Variants in GAS6 observed in about 807,000 individuals in gnomAD.
GAS6 encodes the protein growth arrest-specific protein 6.
GAS6 carries 41 observed loss-of-function variants against 75.8 expected under a neutral mutation model. The ratio of observed to expected loss-of-function variants is 0.54; its 90% CI spans 0.42 to 0.70. The LOEUF is 0.70. GAS6 is among the 30% of genes least tolerant of loss of function. The pLI, the probability that GAS6 is intolerant of heterozygous loss-of-function variation, is 0.00. For missense variants in GAS6, 854 were observed against 940.2 expected, an observed-to-expected ratio of 0.91 and a Z score of 1.20; for synonymous variants, 432 against 412.6, an observed-to-expected ratio of 1.05 and a Z score of -0.57.
At chr13:113,851,455 G>C (rs898386721) in intron 2 of GAS6, among the ~76,000 whole-genome samples, 1 of 151,758 alleles carries the variant, frequency 6.6e-6, no homozygotes, top group Non-Finnish European at 1.5e-5. Flanking sequence ...GAATGAATGG[G>C]TGAATGAGAG....
intron 12 of GAS6, among the ~76,000 whole-genome samples, chr13:113,826,634 TTCTCTCCCCGGCCTCCTGGCGCCGGCCTC>T (rs2051550213): frequency 1.2e-5 from 1 of 84,856 alleles, no homozygotes; most frequent in African/African-American, 6.3e-5. Flanking sequence ...CGCAGGCACC[TTCTCTCCCCGGCCTCCTGGCGCCGGCCTC>T]GCAGGCACCT....
Position 113,820,921 on chromosome 13 carries a change from G to T in GAS6, c.1980C>A (p.Tyr660Ter). 2 of 1,612,396 alleles carry T rather than the reference G, an allele frequency of 1.2e-6. No homozygotes were observed. The highest frequency in any genetic ancestry group is 1.7e-6 in the Non-Finnish European group (2 of 1,179,902). The change falls in exon 15 of 15, where the codon TAC becomes TAA. Residue 660 changes from tyrosine (Y) to a stop codon, truncating the protein, a stop_gained. Transcript: ENST00000327773. LOFTEE classifies it high-confidence loss of function. Reference sequence around the variant, plus strand: ...AGTGGGCCGTGATGTCGCTGTGCTTGTACGCCGCCTCGTCCAGGTCCAGCA... The same window carrying T: ...AGTGGGCCGTGATGTCGCTGTGCTTTTACGCCGCCTCGTCCAGGTCCAGCA... ...RRLLDLDEAA[Y>*]KHSDITAHSC...
rs552862151 is a variant in GAS6, at chr13:113,845,701, TAC to T, written c.343+824_343+825del. On this transcript the variant is annotated intron_variant, in intron 4 of 14. Transcript: ENST00000327773. This position sits in a 1 kb window ranked among gnomAD's most constrained non-coding sequence, Gnocchi z 4.3. Reference sequence around the variant, plus strand: ...AAACAACAGTTTATAGGAAAAGAAATACACAGTTTTTAAACCTATGAAGGACA... The same window carrying T: ...AAACAACAGTTTATAGGAAAAGAAATACAGTTTTTAAACCTATGAAGGACA... The T allele has an allele frequency of 3.0e-4, 43 of 143,062 alleles. No individual in the cohort carries two copies. In the East Asian group the frequency reaches 6.7e-3, roughly 22 times the overall value. The allele number at this position is 143,062 out of a possible 1,614,324, so 8.9% of individuals were successfully genotyped here.
intron 12 of GAS6, among the ~76,000 whole-genome samples, chr13:113,824,128 C>T (rs1424231980): frequency 1.0e-5 from 1 of 97,364 alleles, no homozygotes; most frequent in Admixed American, 1.0e-4. Flanking sequence ...GTCAGGAGCA[C>T]CGTGGTCTGG....
intron 13 of GAS6, 143 bp from the exon 14 acceptor site, chr13:113,822,329 T>C (rs1258790462): frequency 1.5e-5 from 9 of 606,916 alleles, no homozygotes; most frequent in Non-Finnish European, 2.2e-5. Context: ...TGGGTCTGGA[T>C]GCTCGCTGAC....
chr13:113,852,269 C>T (rs577915561), intron 2 of GAS6, among the ~76,000 whole-genome samples: 3 of 152,230 alleles, frequency 2.0e-5, no homozygotes, highest in Non-Finnish European at 4.4e-5. Context: ...ATGTGGCCCA[C>T]GGAAGCCAAA....
rs200212342 is a variant in GAS6 at position 113,846,520 on chromosome 13, G to A, written c.343+7C>T. 7.7e-4 allele frequency: 1,237 copies of A among 1,613,828 alleles called. 8 individuals carry two copies. The highest frequency in any genetic ancestry group is 5.6e-3 in the Middle Eastern group (34 of 6,054). On this transcript the variant is annotated splice_region_variant and intron_variant, in intron 4 of 14. Coordinates refer to ENST00000327773, the MANE Select transcript of GAS6 (RefSeq NM_000820.4). ...CTCCCAGGAAGGCGCAAAGGAGGCC[G>A]ACTTACTTTGCACGCAGGTGGCGAA...
Position 113,848,764 on chromosome 13 carries a change from G to A in GAS6, c.256-714C>T, listed in dbSNP as rs1365029652. On this transcript the variant is annotated intron_variant, in intron 2 of 14. Transcript: ENST00000327773. The surrounding 1 kb of genome is among the most constrained non-coding windows in gnomAD (Gnocchi z 4.8). ...ACAGTCATGGCAGAATAGTCCCAGC[G>A]GCCTCTCCATGCTGGGTATGAGTCA... Among the ~76,000 whole-genome samples, 2 of 152,166 alleles carry A rather than the reference G, an allele frequency of 1.3e-5. No homozygotes were observed. The highest frequency in any genetic ancestry group is 2.4e-5 in the African/African-American group (1 of 41,426).
intron 12 of GAS6, among the ~76,000 whole-genome samples, chr13:113,824,385 C>T (rs79252396): frequency 2.2e-4 from 14 of 64,536 alleles, no homozygotes; most frequent in African/African-American, 1.1e-3. Flanking sequence ...CAGGAGCACG[C>T]GCGGTCTGGG....
intron 2 of GAS6, among the ~76,000 whole-genome samples, chr13:113,862,190 C>G (rs1324314825): frequency 6.6e-6 from 1 of 152,200 alleles, no homozygotes; most frequent in Non-Finnish European, 1.5e-5. Flanking sequence ...TGACATGGGC[C>G]CTGCAGGTCC....
At chr13:113,834,069 G>A (rs1222964558) in intron 8 of GAS6, among the ~76,000 whole-genome samples, 10 of 144,668 alleles carry the variant, frequency 6.9e-5, no homozygotes, top group African/African-American at 1.9e-4. Flanking sequence ...GTGACAGGTC[G>A]GTGTGACAGG....
At position 113,839,765 on chromosome 13, in the gene GAS6, C is replaced by T; in HGVS notation, c.429G>A (p.Leu143=). Residue 143 remains leucine (L), a synonymous_variant, in exon 5 of 15, where the codon CTG becomes CTA. Coordinates refer to ENST00000327773, the MANE Select transcript of GAS6 (RefSeq NM_000820.4). ...CQDLMGNFFC[L]CKAGWGGRLC... ...GCCGGCCCCCCCAGCCAGCTTTACA[C>T]AGGCAGAAGAAGTTGCCCATGAGGT... is the stretch of plus-strand genomic sequence containing the variant. The T allele has an allele frequency of 6.2e-7, 1 of 1,614,038 alleles. No homozygotes were observed. Among genetic ancestry groups the T allele is most frequent in the Non-Finnish European group, 8.5e-7 (1 of 1,180,004 alleles).
rs370856120 is a variant in GAS6 at position 113,862,657 on chromosome 13, G to C, written c.255+918C>G. 3.9e-5 allele frequency among the ~76,000 whole-genome samples: 6 copies of C among 152,210 alleles called. No individual in the cohort carries two copies. In the East Asian group the frequency reaches 1.2e-3, roughly 29 times the overall value. Reference sequence around the variant, plus strand: ...TGACAGCCTCAGAGCTTTCAGAAAGGCAGATCTAAGAGGGGTCAAGTCAAC... The same window carrying C: ...TGACAGCCTCAGAGCTTTCAGAAAGCCAGATCTAAGAGGGGTCAAGTCAAC... On this transcript the variant is annotated intron_variant, in intron 2 of 14. Coordinates refer to ENST00000327773, the MANE Select transcript of GAS6 (RefSeq NM_000820.4).
At chr13:113,823,791 C>T (rs1301607067) in intron 12 of GAS6, among the ~76,000 whole-genome samples, 3 of 152,248 alleles carry the variant, frequency 2.0e-5, no homozygotes. Context: ...TCCAAATGCC[C>T]TGTAGGTGAC....
At chr13:113,829,242 C>G (rs1217630614) in intron 10 of GAS6, among the ~76,000 whole-genome samples, 1 of 141,202 alleles carries the variant, frequency 7.1e-6, no homozygotes, top group African/African-American at 2.8e-5. Context: ...CTCAGGCAGA[C>G]CACATGATCC....
At chr13:113,850,792 G>A (rs1189443054) in intron 2 of GAS6, among the ~76,000 whole-genome samples, 4 of 152,170 alleles carry the variant, frequency 2.6e-5, no homozygotes, top group African/African-American at 9.7e-5. Context: ...ATGGATGGAT[G>A]AGTGAATGGA....
chr13:113,839,696 G>T, intron 5 of GAS6, 32 bp downstream of exon 5: 3 of 1,609,764 alleles, frequency 1.9e-6, no homozygotes, highest in Non-Finnish European at 1.7e-6. Flanking sequence ...GAGATGGAGG[G>T]AGACCCCGCC....
intron 8 of GAS6, among the ~76,000 whole-genome samples, chr13:113,834,130 C>T (rs1264865781): frequency 5.6e-5 from 8 of 141,702 alleles, no homozygotes; most frequent in South Asian, 2.3e-4. Flanking sequence ...TGTGACAGGT[C>T]GGTGTGACAG....
rs776745911 is a variant in GAS6, at chr13:113,839,864, C to T, written c.344-14G>A. 27 of 1,613,452 alleles carry T rather than the reference C, an allele frequency of 1.7e-5. No homozygotes were observed. Among genetic ancestry groups the T allele is most frequent in the Admixed American group, 6.7e-5 (4 of 59,968 alleles). On this transcript the variant is annotated splice_polypyrimidine_tract_variant and intron_variant, in intron 4 of 14. Coordinates refer to ENST00000327773, the MANE Select transcript of GAS6 (RefSeq NM_000820.4). Reference sequence around the variant, plus strand: ...GGTCAGGCAGGTCTGATTGGGGACACAAAGTGGAAAATCATGTTCAGCTGC... The same window carrying T: ...GGTCAGGCAGGTCTGATTGGGGACATAAAGTGGAAAATCATGTTCAGCTGC...
Sources: gnomAD v4.1 joint callset for allele counts (sites outside exome capture counted in the v4.1 genomes callset) on GRCh38, gnomAD v4.1.1 for gene constraint, Gnocchi (gnomAD v3.1) non-coding constraint, MANE v1.5 for transcripts, NCBI Gene and HGNC (gene_info 2026-07-23, HGNC 2026-07-21) for gene names.